The following PLPPR3 variants were observed in gnomAD, a reference collection of about 807,000 sequenced individuals.
PLPPR3 encodes phospholipid phosphatase related 3.
In PLPPR3, 14 loss-of-function variants were observed where a neutral mutation model predicts 27.3. That is an observed-to-expected ratio of 0.51 (90% CI 0.34 to 0.80). The LOEUF (loss-of-function observed/expected upper bound fraction) is 0.80, where lower values mean the gene tolerates loss of function less well. Among genes scored for constraint, PLPPR3 ranks in the 30% least tolerant of loss-of-function variants. PLPPR3 has a pLI of 0.01. For synonymous variants in PLPPR3, 671 were observed against 508.0 expected (o/e 1.32, Z -4.32); for missense variants, 1,287 against 1,056.9 (o/e 1.22, Z -3.02).
chr19:815,062 C>T lies in PLPPR3; in HGVS notation c.423G>A (p.Leu141=), dbSNP rs779401883. Residue 141 remains leucine (L), a synonymous_variant, in exon 5 of 8, where the codon CTG becomes CTA. Coordinates refer to ENST00000520876, the MANE Select transcript of PLPPR3 (RefSeq NM_001270366.2). ...VRFVGVHVFG[L]CATALVTDVI... ...CGTCCGTCACCAGGGCTGTGGCACA[C>T]AGGCCGAACACGTGGACACCTGCAG... 8.7e-6 allele frequency: 14 copies of T among 1,606,710 alleles called. No homozygotes were observed. Among genetic ancestry groups the T allele is most frequent in the Non-Finnish European group, 1.1e-5 (13 of 1,179,888 alleles).
intron 7 of PLPPR3, 141 bp downstream of exon 7, chr19:814,293 T>TC: frequency 1.8e-6 from 1 of 547,086 alleles, no homozygotes; most frequent in Non-Finnish European, 2.6e-6. Context: ...GCTACCAGCC[T>TC]CCCCTGTCAG....
In PLPPR3 at chr19:812,541, G is replaced by GCCCCCCCCCCCCC; in HGVS notation, c.*28_*29insGGGGGGGGGGGGG. ...GCGCGGCCGCCCGCGCCCTCGGCCCGCCCCCCGCCCGCCCCCGGCCCCGCC... is the reference window on the plus strand; with the variant it reads ...GCGCGGCCGCCCGCGCCCTCGGCCCGCCCCCCCCCCCCCCCCCCCGCCCGCCCCCGGCCCCGCC... On this transcript the variant is annotated 3_prime_UTR_variant, in exon 8 of 8. Coordinates refer to ENST00000520876, the MANE Select transcript of PLPPR3 (RefSeq NM_001270366.2). 4 of 617,396 alleles carry GCCCCCCCCCCCCC rather than the reference G, an allele frequency of 6.5e-6. No individual in the cohort carries two copies. Among genetic ancestry groups the GCCCCCCCCCCCCC allele is most frequent in the Non-Finnish European group, 6.0e-6 (3 of 496,530 alleles). The allele number at this position is 617,396 out of a possible 1,614,324, so 38.2% of individuals were successfully genotyped here.
Position 814,478 on chromosome 19 carries a change from C to A in PLPPR3, c.787G>T (p.Val263Leu). The A allele has an allele frequency of 6.2e-7, 1 of 1,609,346 alleles. No homozygotes were observed. Among genetic ancestry groups the A allele is most frequent in the East Asian group, 2.2e-5 (1 of 44,836 alleles). ...GCCCCGATGAGGAAGCCGGCATACA[C>A]GTCCACAGGGTGGCTGCGGTACTGC... The part of the protein sequence containing the change: ...ITQYRSHPVD[V>L]YAGFLIGAGI... The change falls in exon 7 of 8, where the codon GTG becomes TTG. Residue 263 changes from valine to leucine, a missense_variant. Transcript: ENST00000520876.
At position 813,713 on chromosome 19, in the gene PLPPR3, G is replaced by A. The variant is rs1236817207; in HGVS notation, c.1014C>T (p.Pro338=). 17 of 1,525,366 alleles carry A rather than the reference G, an allele frequency of 1.1e-5. No individual in the cohort carries two copies. The East Asian group carries it at 2.0e-4, about 18-fold the overall frequency. 94.5% of individuals were successfully genotyped at this position (1,525,366 alleles called of 1,614,324 possible). The change falls in exon 8 of 8, where the codon CCC becomes CCT. Residue 338 remains proline (P), a synonymous_variant. Coordinates refer to ENST00000520876, the MANE Select transcript of PLPPR3 (RefSeq NM_001270366.2). The surrounding 1 kb of genome is among the most constrained non-coding windows in gnomAD (Gnocchi z 4.1). ...CCAGCGAGGTCTTCTCGCGGGCCAC[G>A]GGCCGGGGCGCGCCCTCCAGCCGCC... ...PPGRLEGAPR[P]VAREKTSLGS... is the part of the protein sequence containing the mutation.
At chr19:821,279 C>A (rs1217888925) in intron 2 of PLPPR3, among the ~76,000 whole-genome samples, 1 of 150,836 alleles carries the variant, frequency 6.6e-6, no homozygotes, top group Non-Finnish European at 1.5e-5. Flanking sequence ...CGGCCTGGAC[C>A]CCCCTCGGTT....
At chr19:814,805 CCTCT>C (rs2145067545) in intron 5 of PLPPR3, 56 bp from the exon 6 acceptor site, 4 of 1,563,314 alleles carry the variant, frequency 2.6e-6, no homozygotes, top group East Asian at 4.5e-5. Context: ...GCTCCAGTGG[CCTCT>C]CTGTGTCTCT....
In PLPPR3 at chr19:815,230, C is replaced by T; in HGVS notation, c.359G>A (p.Gly120Asp). The T allele has an allele frequency of 6.3e-7, 1 of 1,593,602 alleles. No homozygotes were observed. The highest frequency in any genetic ancestry group is 2.3e-5 in the East Asian group (1 of 43,536). Residue 120 changes from glycine (G) to aspartate (D), a missense_variant, in exon 4 of 8, where the codon GGC becomes GAC. By Grantham distance (94) the Gly-to-Asp change is moderately conservative. Transcript: ENST00000520876. The stretch of plus-strand genomic sequence containing the variant: ...CCGCAGGAAGGAGTTGAAGTTGCAG[C>T]CGCCGGCGTTGATGCTGCCCTCCGC... Reference protein sequence around the residue: ...AGAEGSINAGGCNFNSFLRRT... With the variant: ...AGAEGSINAGDCNFNSFLRRT...
Position 813,061 on chromosome 19 carries a change from T to G in PLPPR3, c.1666A>C (p.Thr556Pro). 1 of 1,501,824 alleles carries G rather than the reference T, an allele frequency of 6.7e-7. No homozygotes were observed. The highest frequency in any genetic ancestry group is 1.2e-5 in the South Asian group (1 of 80,276). The allele number at this position is 1,501,824 out of a possible 1,614,324, so 93.0% of individuals were successfully genotyped here. A position where few individuals can be genotyped will look rare whatever the true frequency, so the allele number is the denominator to read the frequency against. ...GAGCTGGCGCTGGACGACGACGCCG[T>G]CTCGGCCGCCTTGGGGCCCGGCGCG... is the stretch of plus-strand genomic sequence containing the variant. ...PGAPGPKAAE[T>P]ASSSSASSDS... The change falls in exon 8 of 8, where the codon ACG becomes CCG. Residue 556 changes from threonine to proline, a missense_variant. Coordinates refer to ENST00000520876, the MANE Select transcript of PLPPR3 (RefSeq NM_001270366.2). This position sits in a 1 kb window ranked among gnomAD's most constrained non-coding sequence, Gnocchi z 4.1.
Position 812,499 on chromosome 19 carries a change from C to T in PLPPR3, c.*71G>A, listed in dbSNP as rs551058554. On this transcript the variant is annotated 3_prime_UTR_variant, in exon 8 of 8. Coordinates refer to ENST00000520876, the MANE Select transcript of PLPPR3 (RefSeq NM_001270366.2). ...CCAAGAGCCGGACCTCGGTTTCTGC[C>T]GCTTTATTGAGCATCCGCGCGGCCG... 687 of 980,094 alleles carry T rather than the reference C, an allele frequency of 7.0e-4. 6 individuals are homozygous for T. In the African/African-American group the frequency reaches 0.011, roughly 16 times the overall value. 60.7% of individuals were successfully genotyped at this position (980,094 alleles called of 1,614,324 possible). A position where few individuals can be genotyped will look rare whatever the true frequency, so the allele number is the denominator to read the frequency against.
chr19:815,123 C>T lies in PLPPR3; in HGVS notation c.404-42G>A, dbSNP rs374067253. Reference sequence around the variant, plus strand: ...TCGGCCAGGCGGGGAGCTGGGGACCCGGGACAGCCCCACCCCCTGCATGTG... The same window carrying T: ...TCGGCCAGGCGGGGAGCTGGGGACCTGGGACAGCCCCACCCCCTGCATGTG... On this transcript the variant is annotated intron_variant, in intron 4 of 7. Coordinates refer to ENST00000520876, the MANE Select transcript of PLPPR3 (RefSeq NM_001270366.2). 1.4e-4 allele frequency: 219 copies of T among 1,599,532 alleles called. 1 individual carries two copies. Among genetic ancestry groups the T allele is most frequent in the African/African-American group, 4.4e-4 (33 of 74,838 alleles).
At position 814,696 on chromosome 19, in the gene PLPPR3, A is replaced by T; in HGVS notation, c.653T>A (p.Val218Glu). The T allele has an allele frequency of 6.3e-7, 1 of 1,598,982 alleles. No homozygotes were observed. The highest frequency in any genetic ancestry group is 8.5e-7 in the Non-Finnish European group (1 of 1,175,604). Residue 218 changes from valine (V) to glutamate (E), a missense_variant, in exon 6 of 8, where the codon GTG becomes GAG. By Grantham distance (121) the Val-to-Glu change is moderately radical (BLOSUM62 -2). Transcript: ENST00000520876. ...GCAGTGAGGGGCCGGACTCACCGACACATAGACCGCGGCGAAGGCTGACAG... is the reference window on the plus strand; with the variant it reads ...GCAGTGAGGGGCCGGACTCACCGACTCATAGACCGCGGCGAAGGCTGACAG... Reference protein sequence around the residue: ...ATLSAFAAVYVSMYFNSVISD... With the variant: ...ATLSAFAAVYESMYFNSVISD...
rs2035025498 is a variant in PLPPR3 at position 814,937 on chromosome 19, A to C, written c.548T>G (p.Ile183Ser). Residue 183 changes from isoleucine (I) to serine (S), a missense_variant, in exon 5 of 8, where the codon ATC becomes AGC. Physicochemically the swap from Ile to Ser is moderately radical, Grantham distance 142. Transcript: ENST00000520876. ...LGTSCEVNPY[I>S]TQDICSGHDI... The stretch of plus-strand genomic sequence containing the variant: ...GTGGCCGGAGCAGATGTCCTGCGTG[A>C]TGTAGGGGTTGACCTCGCAGGACGT... 6.2e-7 allele frequency: 1 copy of C among 1,612,324 alleles called. No individual in the cohort carries two copies. The highest frequency in any genetic ancestry group is 8.5e-7 in the Non-Finnish European group (1 of 1,179,930).
chr19:822,956 T>G (rs2035170694), upstream of PLPPR3, among the ~76,000 whole-genome samples: 1 of 151,672 alleles, frequency 6.6e-6, no homozygotes, highest in African/African-American at 2.4e-5. Flanking sequence ...CCGTCTCTAC[T>G]AAAAATACAA....
In PLPPR3 at chr19:814,875, G is replaced by T; in HGVS notation, c.599+11C>A. 2 of 1,605,574 alleles carry T rather than the reference G, an allele frequency of 1.2e-6. No individual in the cohort carries two copies. The highest frequency in any genetic ancestry group is 1.1e-5 in the South Asian group (1 of 90,984). ...AGGCTCCCAGTCAGGGGAGTTGGGG[G>T]TCCGGCTCACCGTGCAGACAGGATG... On this transcript the variant is annotated intron_variant, in intron 5 of 7. Coordinates refer to ENST00000520876, the MANE Select transcript of PLPPR3 (RefSeq NM_001270366.2).
intron 2 of PLPPR3, among the ~76,000 whole-genome samples, chr19:819,908 C>G (rs1002052959): frequency 2.0e-5 from 3 of 152,066 alleles, no homozygotes; most frequent in African/African-American, 7.2e-5. Context: ...GTGGTGTGAT[C>G]TTGGCTCACT....
At position 821,601 on chromosome 19, in the gene PLPPR3, C is replaced by G; in HGVS notation, c.-26-16G>C. On this transcript the variant is annotated splice_polypyrimidine_tract_variant and intron_variant, in intron 1 of 7. Coordinates refer to ENST00000520876, the MANE Select transcript of PLPPR3 (RefSeq NM_001270366.2). ...CAGGCCGTGGCTGGAGGGGAGAAAG[C>G]GGCGCTGGAGGGGGGCGCGCAGGCG... The G allele has an allele frequency of 7.2e-7, 1 of 1,381,064 alleles. No individual in the cohort carries two copies. Among genetic ancestry groups the G allele is most frequent in the Non-Finnish European group, 9.6e-7 (1 of 1,044,002 alleles). The allele number at this position is 1,381,064 out of a possible 1,614,324, so 85.6% of individuals were successfully genotyped here.
intron 5 of PLPPR3, 31 bp from the exon 6 acceptor site, chr19:814,780 C>A (rs780205152): frequency 2.6e-6 from 4 of 1,558,610 alleles, no homozygotes; most frequent in Non-Finnish European, 3.5e-6. Flanking sequence ...GAGCCCCGCC[C>A]ACCTGGGGAC....
upstream of PLPPR3, among the ~76,000 whole-genome samples, chr19:823,444 A>G (rs1599266471): frequency 7.7e-6 from 1 of 129,508 alleles, no homozygotes; most frequent in East Asian, 2.1e-4. Context: ...TCTATCTCAA[A>G]AAAAAAAAAA....
At position 813,437 on chromosome 19, in the gene PLPPR3, C is replaced by G; in HGVS notation, c.1290G>C (p.Gly430=). The change falls in exon 8 of 8, where the codon GGG becomes GGC. Residue 430 remains glycine (G), a synonymous_variant. Coordinates refer to ENST00000520876, the MANE Select transcript of PLPPR3 (RefSeq NM_001270366.2). This position sits in a 1 kb window ranked among gnomAD's most constrained non-coding sequence, Gnocchi z 4.1. ...TGGGTTCGGCGGGCGCGCGCAGGTGCCCGGGGCTGGCGTCGTCGGGCAGCC... is the reference window on the plus strand; with the variant it reads ...TGGGTTCGGCGGGCGCGCGCAGGTGGCCGGGGCTGGCGTCGTCGGGCAGCC... ...GLGLPDDASP[G]HLRAPAEPMA... is the part of the protein sequence containing the mutation. 1.3e-6 allele frequency: 2 copies of G among 1,519,314 alleles called. No individual in the cohort carries two copies. Among genetic ancestry groups the G allele is most frequent in the Non-Finnish European group, 1.8e-6 (2 of 1,139,802 alleles). 94.1% of individuals were successfully genotyped at this position (1,519,314 alleles called of 1,614,324 possible).
Sources: gnomAD v4.1 joint callset for allele counts (sites outside exome capture counted in the v4.1 genomes callset) on GRCh38, gnomAD v4.1.1 for gene constraint, Gnocchi (gnomAD v3.1) non-coding constraint, MANE v1.5 for transcripts, NCBI Gene and HGNC (gene_info 2026-07-23, HGNC 2026-07-21) for gene names.